The following IER3IP1 variants were observed in gnomAD, a reference collection of about 807,000 sequenced individuals.
IER3IP1 encodes the protein immediate early response 3 interacting protein 1.
IER3IP1 carries 16 observed loss-of-function variants against 12.2 expected under a neutral mutation model. The observed-to-expected ratio is 1.31, with a 90% CI of 0.89 to 1.99. The LOEUF (loss-of-function observed/expected upper bound fraction) is 1.99. IER3IP1 is among the 30% of genes most tolerant of loss of function. IER3IP1 has a pLI of 0.00. For synonymous variants in IER3IP1, 42 were observed against 40.0 expected (o/e 1.05, Z -0.19); for missense variants, 95 against 95.8 (o/e 0.99, Z 0.03).
intron 1 of IER3IP1, among the ~76,000 whole-genome samples, chr18:47,170,445 A>G (rs758986309): frequency 3.9e-5 from 6 of 152,032 alleles, no homozygotes; most frequent in Non-Finnish European, 7.4e-5. Flanking sequence ...GCTAACTGGG[A>G]TTTTGATAGA....
chr18:47,162,068 T>C (rs569216190), intron 1 of IER3IP1, among the ~76,000 whole-genome samples: 47 of 152,194 alleles, frequency 3.1e-4, no homozygotes, highest in African/African-American at 1.1e-3. Flanking sequence ...ATACAGATGA[T>C]ACTTAGTTCA....
rs1409344170 is a variant in IER3IP1, at chr18:47,176,209, G to C, written c.69C>G (p.His23Gln). The change falls in exon 1 of 3, where the codon CAC (histidine) becomes CAG (glutamine). Residue 23 changes from histidine to glutamine, a missense_variant. Transcript: ENST00000256433. ...LLCVNAIAVL[H>Q]EERFLKNIGW... ...CACTGTTCTTGAGGAATCGCTCCTC[G>C]TGCAGCACTGCGATGGCGTTGACGC... 1 of 1,604,182 alleles carries C rather than the reference G, an allele frequency of 6.2e-7. No homozygotes were observed. Among genetic ancestry groups the C allele is most frequent in the Admixed American group, 1.7e-5 (1 of 59,020 alleles).
intron 1 of IER3IP1, among the ~76,000 whole-genome samples, chr18:47,175,986 T>C (rs2064031884): frequency 6.6e-6 from 1 of 152,084 alleles, no homozygotes; most frequent in Non-Finnish European, 1.5e-5. Flanking sequence ...CCCTGGGCCC[T>C]GCACAGCGGG....
chr18:47,158,124 C>T (rs1483250420), intron 1 of IER3IP1, among the ~76,000 whole-genome samples: 1 of 152,012 alleles, frequency 6.6e-6, no homozygotes, highest in Non-Finnish European at 1.5e-5. Context: ...GTCTAAAATC[C>T]CCAAAATGAC....
chr18:47,169,982 G>A (rs541615793), intron 1 of IER3IP1, among the ~76,000 whole-genome samples: 22 of 152,108 alleles, frequency 1.4e-4, no homozygotes, highest in Non-Finnish European at 2.5e-4. Context: ...TTCTGGTATC[G>A]TATCTGAGAT....
intron 1 of IER3IP1, among the ~76,000 whole-genome samples, chr18:47,163,028 G>A (rs1261996513): frequency 6.6e-6 from 1 of 151,978 alleles, no homozygotes; most frequent in Non-Finnish European, 1.5e-5. Context: ...TATCTATGGG[G>A]CATATACTCC....
At chr18:47,162,483 A>C (rs1412367619) in intron 1 of IER3IP1, among the ~76,000 whole-genome samples, 1 of 152,230 alleles carries the variant, frequency 6.6e-6, no homozygotes, top group Non-Finnish European at 1.5e-5. Flanking sequence ...CTTAGATAAA[A>C]GCCATTGTAG....
chr18:47,174,531 T>C (rs1024044192), intron 1 of IER3IP1, among the ~76,000 whole-genome samples: 20 of 152,002 alleles, frequency 1.3e-4, no homozygotes, highest in Admixed American at 4.6e-4. Flanking sequence ...TAGCCAGGCT[T>C]GGTGGTGCGT....
chr18:47,157,313 G>T, intron 2 of IER3IP1, 123 bp downstream of exon 2: 1 of 700,122 alleles, frequency 1.4e-6, no homozygotes, highest in Non-Finnish European at 2.4e-6. Context: ...AAGCAGCAAA[G>T]CCATGTTAAA....
intron 1 of IER3IP1, among the ~76,000 whole-genome samples, chr18:47,158,138 A>G (rs192855130): frequency 1.3e-5 from 2 of 152,332 alleles, no homozygotes; most frequent in East Asian, 3.9e-4. Flanking sequence ...AAATGACAAG[A>G]AATATCAAAA....
chr18:47,157,229 C>G (rs1180291045), intron 2 of IER3IP1: 1 of 597,228 alleles, frequency 1.7e-6, no homozygotes, highest in Non-Finnish European at 2.9e-6. Context: ...ACTAAGCATT[C>G]TATTTGTACC....
chr18:47,166,683 G>A (rs938110693), intron 1 of IER3IP1, among the ~76,000 whole-genome samples: 1 of 152,068 alleles, frequency 6.6e-6, no homozygotes, highest in Non-Finnish European at 1.5e-5. Context: ...TGAGAGAAGC[G>A]AAACTGGAGG....
At chr18:47,165,552 CA>C (rs34723400) in intron 1 of IER3IP1, among the ~76,000 whole-genome samples, 309 of 122,172 alleles carry the variant, frequency 2.5e-3, no homozygotes, top group African/African-American at 3.2e-3. Flanking sequence ...GACTCTGTCT[CA>C]AAAAAAAAAA....
chr18:47,169,391 CATTCCA>C (rs2064007735), intron 1 of IER3IP1, among the ~76,000 whole-genome samples: 1 of 152,204 alleles, frequency 6.6e-6, no homozygotes, highest in African/African-American at 2.4e-5. Flanking sequence ...CTATTTTGAA[CATTCCA>C]TGTTTGTTTT....
chr18:47,175,272 A>G (rs527417025), intron 1 of IER3IP1, among the ~76,000 whole-genome samples: 2 of 152,290 alleles, frequency 1.3e-5, no homozygotes, highest in South Asian at 4.1e-4. Flanking sequence ...GGCACACTCT[A>G]TGCACCCAAT....
At chr18:47,165,773 C>A (rs749856897) in intron 1 of IER3IP1, among the ~76,000 whole-genome samples, 1 of 152,230 alleles carries the variant, frequency 6.6e-6, no homozygotes, top group Non-Finnish European at 1.5e-5. Flanking sequence ...GGTATGTTAA[C>A]TGTTTGCTAT....
At chr18:47,168,717 A>T (rs1426157136) in intron 1 of IER3IP1, among the ~76,000 whole-genome samples, 2 of 152,174 alleles carry the variant, frequency 1.3e-5, no homozygotes, top group Non-Finnish European at 2.9e-5. Flanking sequence ...CTTTTGGTGC[A>T]CATATTTATG....
rs1252180284 is a variant in IER3IP1 at position 47,155,432 on chromosome 18, TG to T, written c.*744del. 5 of 151,886 alleles carry T rather than the reference TG, an allele frequency of 3.3e-5. No individual in the cohort carries two copies. The highest frequency in any genetic ancestry group is 2.1e-4 in the South Asian group (1 of 4,818). 9.4% of individuals were successfully genotyped at this position (151,886 alleles called of 1,614,324 possible). On this transcript the variant is annotated 3_prime_UTR_variant, in exon 3 of 3. Transcript: ENST00000256433. ...TCTTGTGGGCTAATATTTACGCTGTTGTTTTTTTTAAATCATCATTGTAAAA... is the reference window on the plus strand; with the variant it reads ...TCTTGTGGGCTAATATTTACGCTGTTTTTTTTTTAAATCATCATTGTAAAA...
chr18:47,176,011 T>C lies in IER3IP1; in HGVS notation c.91+176A>G, dbSNP rs549605787. On this transcript the variant is annotated intron_variant, in intron 1 of 2. Coordinates refer to ENST00000256433, the MANE Select transcript of IER3IP1 (RefSeq NM_016097.5). ...TGCACAGCGGGTGTCTGTTGAATAT[T>C]CTCCCGGCTGTTGAGCCCAAACCTG... Among the ~76,000 whole-genome samples the C allele has an allele frequency of 2.6e-5, 4 of 152,194 alleles. No homozygotes were observed. The South Asian group carries it at 8.3e-4, about 32-fold the overall frequency.
Sources: allele counts gnomAD v4.1 joint callset (sites outside exome capture counted in the v4.1 genomes callset), GRCh38; gene constraint gnomAD v4.1.1; transcripts MANE v1.5; gene names NCBI Gene and HGNC (gene_info 2026-07-23, HGNC 2026-07-21).